NAB1: variants seen among roughly 807,000 people sequenced by gnomAD.
NAB1 encodes the protein NGFI-A binding protein 1, also known as NGFI-A-binding protein 1.
In NAB1, 25 loss-of-function variants were observed where a neutral mutation model predicts 49.9. The observed-to-expected ratio is 0.50, with a 90% CI of 0.37 to 0.70. The LOEUF (loss-of-function observed/expected upper bound fraction) is 0.70, where lower values mean the gene tolerates loss of function less well. NAB1 is among the 30% of genes least tolerant of loss of function. The probability of loss-of-function intolerance (pLI) is 0.00; values close to 1 mark genes in which losing one functional copy is unlikely to be tolerated. For synonymous variants in NAB1, 198 were observed against 215.6 expected (o/e 0.92, Z 0.71); for missense variants, 489 against 575.9 (o/e 0.85, Z 1.54).
At chr2:190,665,464 CTT>C in intron 4 of NAB1, among the ~76,000 whole-genome samples, 1 of 152,202 alleles carries the variant, frequency 6.6e-6, no homozygotes, top group East Asian at 1.9e-4. Context: ...TTTCAAATCC[CTT>C]TGTTTCTTCA....
In NAB1 at chr2:190,673,160, C is replaced by A; in HGVS notation, c.1005+8C>A. 3 of 1,608,618 alleles carry A rather than the reference C, an allele frequency of 1.9e-6. No individual in the cohort carries two copies. In the South Asian group the frequency reaches 3.3e-5, roughly 18 times the overall value. ...AAGAGAATTAAAGTGGAGGTATGGT[C>A]ATATGTTACATTTTCTTATGCTGAT... On this transcript the variant is annotated splice_region_variant and intron_variant, in intron 6 of 9. Coordinates refer to ENST00000337386, the MANE Select transcript of NAB1 (RefSeq NM_005966.4).
chr2:190,657,145 C>G lies in NAB1; in HGVS notation c.-20+992C>G, dbSNP rs1412552055. 2.0e-5 allele frequency among the ~76,000 whole-genome samples: 3 copies of G among 152,096 alleles called. No individual in the cohort carries two copies. The highest frequency in any genetic ancestry group is 1.3e-4 in the Admixed American group (2 of 15,266). On this transcript the variant is annotated intron_variant, in intron 3 of 9. Coordinates refer to ENST00000337386, the MANE Select transcript of NAB1 (RefSeq NM_005966.4). The surrounding 1 kb of genome is among the most constrained non-coding windows in gnomAD (Gnocchi z 4.4). ...TCCACCTCCAACACTTTATAGCAGC[C>G]CTTCTATTTGGTATAGTGTAGTTTA...
chr2:190,670,746 C>T lies in NAB1; in HGVS notation c.953+287C>T, dbSNP rs186407920. On this transcript the variant is annotated intron_variant, in intron 5 of 9. Transcript: ENST00000337386. The surrounding 1 kb of genome is among the most constrained non-coding windows in gnomAD (Gnocchi z 5.3). Reference sequence around the variant, plus strand: ...ACACACACTTTGGTTTTGAGTGTGACGAGGGGATTTAGTCAGACAGCATTT... The same window carrying T: ...ACACACACTTTGGTTTTGAGTGTGATGAGGGGATTTAGTCAGACAGCATTT... 2.3e-3 allele frequency among the ~76,000 whole-genome samples: 351 copies of T among 152,180 alleles called. 4 individuals carry two copies. Among genetic ancestry groups the T allele is most frequent in the African/African-American group, 7.7e-3 (319 of 41,520 alleles).
intron 5 of NAB1, among the ~76,000 whole-genome samples, chr2:190,672,663 G>A (rs886209427): frequency 2.4e-4 from 36 of 151,250 alleles, no homozygotes; most frequent in African/African-American, 8.5e-4. Context: ...TTTTCATTAT[G>A]TGATGATCAT....
In NAB1 at chr2:190,654,173, G is replaced by T. The variant is rs1693807380; in HGVS notation, c.-196-1804G>T. Among the ~76,000 whole-genome samples, 1 of 152,170 alleles carries T rather than the reference G, an allele frequency of 6.6e-6. No individual in the cohort carries two copies. Among genetic ancestry groups the T allele is most frequent in the Admixed American group, 6.5e-5 (1 of 15,280 alleles). On this transcript the variant is annotated intron_variant, in intron 2 of 9. Coordinates refer to ENST00000337386, the MANE Select transcript of NAB1 (RefSeq NM_005966.4). The surrounding 1 kb of genome is among the most constrained non-coding windows in gnomAD (Gnocchi z 5.6). The stretch of plus-strand genomic sequence containing the variant: ...AATGAAACCTAATTCCTACCCTTGG[G>T]GTGCTTATAACCTAACAGTGACTTG...
rs2125900881 is a variant in NAB1 at position 190,689,909 on chromosome 2, ATTAT to A, written c.1376-332_1376-329del. On this transcript the variant is annotated intron_variant, in intron 9 of 9. Transcript: ENST00000337386. This position sits in a 1 kb window ranked among gnomAD's most constrained non-coding sequence, Gnocchi z 4.3. ...ATGCTAAATGTTTTATGTGCATTTC[ATTAT>A]TTAACTTTCGTGCCACTTTATGTAG... is the stretch of plus-strand genomic sequence containing the variant. Among the ~76,000 whole-genome samples, 1 of 131,480 alleles carries A rather than the reference ATTAT, an allele frequency of 7.6e-6. No individual in the cohort carries two copies. The highest frequency in any genetic ancestry group is 2.4e-4 in the South Asian group (1 of 4,138). 86.3% of individuals were successfully genotyped at this position (131,480 alleles called of 152,430 possible). A position where few individuals can be genotyped will look rare whatever the true frequency, so the allele number is the denominator to read the frequency against.
Position 190,689,011 on chromosome 2 carries a change from TG to T in NAB1, c.1376-1233del, listed in dbSNP as rs1322702373. 1.3e-5 allele frequency among the ~76,000 whole-genome samples: 2 copies of T among 152,216 alleles called. No homozygotes were observed. Among genetic ancestry groups the T allele is most frequent in the Non-Finnish European group, 2.9e-5 (2 of 67,988 alleles). ...CCGCCACTGCACCTGGCTAATTTTT[TG>T]TATTTTTAGTAGAGACGGGGTTTTA... On this transcript the variant is annotated intron_variant, in intron 9 of 9. Coordinates refer to ENST00000337386, the MANE Select transcript of NAB1 (RefSeq NM_005966.4). The surrounding 1 kb of genome is among the most constrained non-coding windows in gnomAD (Gnocchi z 4.3).
At position 190,675,955 on chromosome 2, in the gene NAB1, A is replaced by G. The variant is rs1285924058; in HGVS notation, c.1005+2803A>G. On this transcript the variant is annotated intron_variant, in intron 6 of 9. Transcript: ENST00000337386. This position sits in a 1 kb window ranked among gnomAD's most constrained non-coding sequence, Gnocchi z 5.2. The stretch of plus-strand genomic sequence containing the variant: ...TATGAATCCTTGTCTGTGCTGTACT[A>G]TAAGTCAAATTTGAGATACCAGAAC... Among the ~76,000 whole-genome samples the G allele has an allele frequency of 1.3e-5, 2 of 152,306 alleles. No homozygotes were observed. Among genetic ancestry groups the G allele is most frequent in the African/African-American group, 4.8e-5 (2 of 41,556 alleles).
At position 190,685,341 on chromosome 2, in the gene NAB1, T is replaced by C. The variant is rs1695554374; in HGVS notation, c.1096-135T>C. 4 of 720,514 alleles carry C rather than the reference T, an allele frequency of 5.6e-6. No homozygotes were observed. The East Asian group carries it at 8.5e-5, about 15-fold the overall frequency. 44.6% of individuals were successfully genotyped at this position (720,514 alleles called of 1,614,324 possible). A position where few individuals can be genotyped will look rare whatever the true frequency, so the allele number is the denominator to read the frequency against. ...GACATCTATGCATATTTATGGAATT[T>C]GTATACCACATGAAGTGTGAACTAA... On this transcript the variant is annotated intron_variant, in intron 7 of 9. Coordinates refer to ENST00000337386, the MANE Select transcript of NAB1 (RefSeq NM_005966.4). The surrounding 1 kb of genome is among the most constrained non-coding windows in gnomAD (Gnocchi z 4.5).
At position 190,651,601 on chromosome 2, in the gene NAB1, C is replaced by A. The variant is rs1275970357; in HGVS notation, c.-197+1619C>A. ...CTCGCTGTGTTGCCCAGGTTGGCCT[C>A]AAACTCCTGGGGCCAAGGGATTATC... On this transcript the variant is annotated intron_variant, in intron 2 of 9. Coordinates refer to ENST00000337386, the MANE Select transcript of NAB1 (RefSeq NM_005966.4). This position sits in a 1 kb window ranked among gnomAD's most constrained non-coding sequence, Gnocchi z 4.3. Among the ~76,000 whole-genome samples the A allele has an allele frequency of 2.0e-5, 3 of 152,112 alleles. No individual in the cohort carries two copies. In the East Asian group the frequency reaches 5.8e-4, roughly 29 times the overall value.
Position 190,659,896 on chromosome 2 carries a change from T to C in NAB1, c.720T>C (p.Asp240=). ...KMIGHIFEMN[D]DDPHKEEEIR... Reference sequence around the variant, plus strand: ...TTGGTCACATCTTTGAGATGAACGATGATGATCCACACAAAGAGGAGGAAA... The same window carrying C: ...TTGGTCACATCTTTGAGATGAACGACGATGATCCACACAAAGAGGAGGAAA... The change falls in exon 4 of 10, where the codon GAT becomes GAC. Residue 240 remains aspartate (D), a synonymous_variant. Coordinates refer to ENST00000337386, the MANE Select transcript of NAB1 (RefSeq NM_005966.4). This position sits in a 1 kb window ranked among gnomAD's most constrained non-coding sequence, Gnocchi z 6.2. 6.2e-7 allele frequency: 1 copy of C among 1,614,062 alleles called. No individual in the cohort carries two copies. The highest frequency in any genetic ancestry group is 8.5e-7 in the Non-Finnish European group (1 of 1,180,004).
In NAB1 at chr2:190,667,293, G is replaced by A. The variant is rs1040302089; in HGVS notation, c.820-3033G>A. On this transcript the variant is annotated intron_variant, in intron 4 of 9. Coordinates refer to ENST00000337386, the MANE Select transcript of NAB1 (RefSeq NM_005966.4). This position sits in a 1 kb window ranked among gnomAD's most constrained non-coding sequence, Gnocchi z 4.4. ...ATTTTCTGTGTTTGTGCATAAGCTA[G>A]TACCTCTGAAATGTTGTCAGTTAAA... is the stretch of plus-strand genomic sequence containing the variant. 3.9e-5 allele frequency among the ~76,000 whole-genome samples: 6 copies of A among 152,208 alleles called. No homozygotes were observed. Among genetic ancestry groups the A allele is most frequent in the Admixed American group, 2.6e-4 (4 of 15,282 alleles).
Position 190,685,640 on chromosome 2 carries a change from T to A in NAB1, c.1258+2T>A. On this transcript the variant is annotated splice_donor_variant, in intron 8 of 9. Transcript: ENST00000337386. LOFTEE classifies it high-confidence loss of function. The surrounding 1 kb of genome is among the most constrained non-coding windows in gnomAD (Gnocchi z 4.5). ...CTTCCGATAACTCAGATGGACAAGGTACATCTTTAGAATATCCTATGCCTT... is the reference window on the plus strand; with the variant it reads ...CTTCCGATAACTCAGATGGACAAGGAACATCTTTAGAATATCCTATGCCTT... 6.2e-7 allele frequency: 1 copy of A among 1,600,130 alleles called. No homozygotes were observed.
Position 190,670,410 on chromosome 2 carries a change from C to G in NAB1, c.904C>G (p.Arg302Gly). 6.2e-7 allele frequency: 1 copy of G among 1,613,864 alleles called. No individual in the cohort carries two copies. Among genetic ancestry groups the G allele is most frequent in the East Asian group, 2.2e-5 (1 of 44,860 alleles). ...AAGAGATGAGCTTTTTGCCTTGGCT[C>G]GACAGATTTCTCGAGAAGTCACCTA... The part of the protein sequence containing the change: ...TRRDELFALA[R>G]QISREVTYKY... Residue 302 changes from arginine (R) to glycine (G), a missense_variant, in exon 5 of 10, where the codon CGA becomes GGA. This residue lies in a region of NAB1 where 38 missense variants were observed against 70.1 expected (regional missense o/e 0.54). Transcript: ENST00000337386. This position sits in a 1 kb window ranked among gnomAD's most constrained non-coding sequence, Gnocchi z 5.3.
chr2:190,665,115 T>C (rs1574438751), intron 4 of NAB1, among the ~76,000 whole-genome samples: 1 of 152,154 alleles, frequency 6.6e-6, no homozygotes, highest in Non-Finnish European at 1.5e-5. Context: ...TTATTTGGGG[T>C]ATTAAATTCT....
rs1313871679 is a variant in NAB1, at chr2:190,680,288, A to G, written c.1006-3450A>G. Among the ~76,000 whole-genome samples, 2 of 152,234 alleles carry G rather than the reference A, an allele frequency of 1.3e-5. No individual in the cohort carries two copies. Among genetic ancestry groups the G allele is most frequent in the African/African-American group, 4.8e-5 (2 of 41,458 alleles). On this transcript the variant is annotated intron_variant, in intron 6 of 9. Coordinates refer to ENST00000337386, the MANE Select transcript of NAB1 (RefSeq NM_005966.4). The surrounding 1 kb of genome is among the most constrained non-coding windows in gnomAD (Gnocchi z 5.2). ...TTCTTAACATAGCTTACAAGGGCTT[A>G]CAGAATCTGGCCCTGTGTTTCCACC...
intron 9 of NAB1, 78 bp downstream of exon 9, chr2:190,687,395 CA>C (rs60742412): frequency 0.12 from 19,524 of 161,404 alleles, 656 homozygotes; most frequent in Admixed American, 0.24. Context: ...CCTCCCCCAT[CA>C]AAAAAAAAAA....
In NAB1 at chr2:190,677,977, G is replaced by C. The variant is rs1480044388; in HGVS notation, c.1005+4825G>C. Among the ~76,000 whole-genome samples the C allele has an allele frequency of 6.6e-6, 1 of 152,180 alleles. No individual in the cohort carries two copies. The highest frequency in any genetic ancestry group is 1.5e-5 in the Non-Finnish European group (1 of 68,018). On this transcript the variant is annotated intron_variant, in intron 6 of 9. Transcript: ENST00000337386. The surrounding 1 kb of genome is among the most constrained non-coding windows in gnomAD (Gnocchi z 5.6). ...TCTTTGAAAAGGGTGGATGGTGGCA[G>C]TTATTATTTTCTAATCCAAGAAATG...
Position 190,659,759 on chromosome 2 carries a change from G to A in NAB1, c.583G>A (p.Ala195Thr). The change falls in exon 4 of 10, where the codon GCT (alanine) becomes ACT (threonine). Residue 195 changes from alanine (A) to threonine (T), a missense_variant. By Grantham distance (58) the Ala-to-Thr change is moderately conservative. This residue lies in a region of NAB1 where 204 missense variants were observed against 220.9 expected (regional missense o/e 0.92). Transcript: ENST00000337386. The surrounding 1 kb of genome is among the most constrained non-coding windows in gnomAD (Gnocchi z 6.2). ...KESSEALDAA[A>T]ALSVAECVER... Reference sequence around the variant, plus strand: ...GAGCAGTGAGGCGCTGGATGCTGCTGCTGCGCTCTCTGTGGCTGAGTGTGT... The same window carrying A: ...GAGCAGTGAGGCGCTGGATGCTGCTACTGCGCTCTCTGTGGCTGAGTGTGT... The A allele has an allele frequency of 6.2e-7, 1 of 1,614,104 alleles. No homozygotes were observed.
Sources: allele counts gnomAD v4.1 joint callset (sites outside exome capture counted in the v4.1 genomes callset), GRCh38; gene constraint gnomAD v4.1.1; regional missense constraint gnomAD v4.1.1; non-coding constraint Gnocchi (gnomAD v3.1); transcripts MANE v1.5; gene names NCBI Gene and HGNC (gene_info 2026-07-23, HGNC 2026-07-21).